DIS3L2: variants seen among roughly 807,000 people sequenced by gnomAD.
DIS3L2 encodes the protein DIS3 like 3'-5' exoribonuclease 2.
DIS3L2 carries 34 observed loss-of-function variants against 97.5 expected under a neutral mutation model. The ratio of observed to expected loss-of-function variants is 0.35; its 90% CI spans 0.27 to 0.46. The LOEUF is 0.46. Among genes scored for constraint, DIS3L2 ranks in the 20% least tolerant of loss-of-function variants. DIS3L2 has a pLI of 1.00. For synonymous variants in DIS3L2, 435 were observed against 445.2 expected, an observed-to-expected ratio of 0.98 and a Z score of 0.29; for missense variants, 1,038 against 1,146.0, an observed-to-expected ratio of 0.91 and a Z score of 1.36.
At chr2:232,317,126 A>G (rs1695297726) in intron 14 of DIS3L2, among the ~76,000 whole-genome samples, 1 of 152,210 alleles carries the variant, frequency 6.6e-6, no homozygotes, top group Non-Finnish European at 1.5e-5. Flanking sequence ...TGGAAGGGAA[A>G]CACATTTGTG....
At chr2:232,104,089 TTTC>T (rs1574878052) in intron 6 of DIS3L2, among the ~76,000 whole-genome samples, 1 of 152,286 alleles carries the variant, frequency 6.6e-6, no homozygotes, top group East Asian at 1.9e-4. Flanking sequence ...TTATAAATAA[TTTC>T]TACTGTTTTT....
chr2:232,029,456 CTGAG>C (rs543747613), intron 4 of DIS3L2, among the ~76,000 whole-genome samples: 1 of 151,884 alleles, frequency 6.6e-6, no homozygotes, highest in Non-Finnish European at 1.5e-5. Flanking sequence ...TGGGTTGTTT[CTGAG>C]TGAGTGAGTG....
rs942697072 is a variant in DIS3L2, at chr2:232,188,383, C to G, written c.1125-21943C>G. 2.0e-5 allele frequency among the ~76,000 whole-genome samples: 3 copies of G among 152,184 alleles called. No individual in the cohort carries two copies. In the East Asian group the frequency reaches 5.8e-4, roughly 29 times the overall value. The stretch of plus-strand genomic sequence containing the variant: ...ATGATAAATTTTATGTAACTTTTTT[C>G]TCAATAACAGAACAGAATAGAGAAT... On this transcript the variant is annotated intron_variant, in intron 9 of 20. Coordinates refer to ENST00000325385, the MANE Select transcript of DIS3L2 (RefSeq NM_152383.5).
intron 14 of DIS3L2, among the ~76,000 whole-genome samples, chr2:232,304,715 T>C (rs938387589): frequency 6.6e-6 from 1 of 152,240 alleles, no homozygotes; most frequent in African/African-American, 2.4e-5. Flanking sequence ...TGAGTGAGTG[T>C]GTGTGTCTTT....
At position 232,087,532 on chromosome 2, in the gene DIS3L2, G is replaced by A. The variant is rs1352781492; in HGVS notation, c.412G>A (p.Glu138Lys). Residue 138 changes from glutamate to lysine, a missense_variant, in exon 6 of 21, where the codon GAA (glutamate) becomes AAA (lysine). By Grantham distance (56) the Glu-to-Lys change is moderately conservative. Coordinates refer to ENST00000325385, the MANE Select transcript of DIS3L2 (RefSeq NM_152383.5). The stretch of plus-strand genomic sequence containing the variant: ...TGACAAAGAAACAGAAGCTGCGTAT[G>A]AATCAGATATCCCCGAGGAGCTCTG... ...SNDKETEAAY[E>K]SDIPEELCGH... 1.2e-6 allele frequency: 2 copies of A among 1,613,828 alleles called. No homozygotes were observed. The highest frequency in any genetic ancestry group is 2.2e-5 in the South Asian group (2 of 91,052).
intron 1 of DIS3L2, among the ~76,000 whole-genome samples, chr2:231,995,116 AT>A (rs989209385): frequency 6.6e-6 from 1 of 152,146 alleles, no homozygotes; most frequent in Non-Finnish European, 1.5e-5. Context: ...GTTTAAAAAT[AT>A]TCTGTAGTTG....
chr2:232,014,836 G>T lies in DIS3L2; in HGVS notation c.-92G>T. On this transcript the variant is annotated splice_region_variant and 5_prime_UTR_variant, in exon 2 of 21. Transcript: ENST00000325385. ...TTACCAATCTCTTCTTGGTTTCAGC[G>T]AATGACAACAGAGCTGCTCAAGGCG... 14 of 1,391,066 alleles carry T rather than the reference G, an allele frequency of 1.0e-5. No homozygotes were observed. The South Asian group carries it at 1.8e-4, about 18-fold the overall frequency. 86.2% of individuals were successfully genotyped at this position (1,391,066 alleles called of 1,614,324 possible).
intron 5 of DIS3L2, among the ~76,000 whole-genome samples, chr2:232,073,066 T>G (rs539488502): frequency 6.6e-6 from 1 of 152,306 alleles, no homozygotes; most frequent in South Asian, 2.1e-4. Flanking sequence ...GTGCCCATAG[T>G]TAAATTTTAT....
At chr2:232,343,168 T>G (rs1454255285) in intron 13 of DIS3L2, 1 of 647,230 alleles carries the variant, frequency 1.5e-6, no homozygotes, top group Non-Finnish European at 2.8e-6. Context: ...AGCAGACTGT[T>G]GACTAGCTGC....
chr2:232,265,498 G>A (rs1693831033), intron 13 of DIS3L2, among the ~76,000 whole-genome samples: 1 of 152,222 alleles, frequency 6.6e-6, no homozygotes, highest in Non-Finnish European at 1.5e-5. Context: ...TGATGCAGTA[G>A]GTGGCACCGG....
At chr2:232,184,256 CT>C (rs1421139482) in intron 9 of DIS3L2, among the ~76,000 whole-genome samples, 1 of 152,192 alleles carries the variant, frequency 6.6e-6, no homozygotes, top group Admixed American at 6.5e-5. Context: ...AGTCTTTTCA[CT>C]TTTATTGCTT....
chr2:232,003,229 G>T (rs140625281), intron 1 of DIS3L2, among the ~76,000 whole-genome samples: 4 of 152,210 alleles, frequency 2.6e-5, no homozygotes, highest in Non-Finnish European at 4.4e-5. Context: ...CTATCCTGGG[G>T]TCTCTTTTTT....
In DIS3L2 at chr2:232,264,049, G is replaced by A. The variant is rs144457933; in HGVS notation, c.1659+609G>A. 3.6e-3 allele frequency among the ~76,000 whole-genome samples: 547 copies of A among 152,274 alleles called. 4 individuals are homozygous for A. Among genetic ancestry groups the A allele is most frequent in the African/African-American group, 0.012 (508 of 41,530 alleles). ...AATTTTTCCACAGACCAGGGGTAGGGGATGGTTTCGGGATGAAACTTCCAC... is the reference window on the plus strand; with the variant it reads ...AATTTTTCCACAGACCAGGGGTAGGAGATGGTTTCGGGATGAAACTTCCAC... On this transcript the variant is annotated intron_variant, in intron 13 of 20. Coordinates refer to ENST00000325385, the MANE Select transcript of DIS3L2 (RefSeq NM_152383.5).
At chr2:232,218,226 G>A (rs556218890) in intron 10 of DIS3L2, among the ~76,000 whole-genome samples, 2 of 152,280 alleles carry the variant, frequency 1.3e-5, no homozygotes, top group South Asian at 2.1e-4. Context: ...AGTCATAAGC[G>A]AGGAACCGCG....
At chr2:232,127,953 A>G (rs1311934711) in intron 6 of DIS3L2, among the ~76,000 whole-genome samples, 1 of 151,572 alleles carries the variant, frequency 6.6e-6, no homozygotes. Flanking sequence ...CATTTATTAC[A>G]GTTTTTATTT....
intron 12 of DIS3L2, chr2:232,260,191 C>T (rs1048597185): frequency 1.3e-5 from 2 of 152,280 alleles, no homozygotes; most frequent in Non-Finnish European, 2.9e-5. Context: ...CTGTACAGCC[C>T]AATGTAGACG....
At chr2:232,019,115 T>G (rs990604399) in intron 3 of DIS3L2, among the ~76,000 whole-genome samples, 1 of 152,298 alleles carries the variant, frequency 6.6e-6, no homozygotes, top group Non-Finnish European at 1.5e-5. Flanking sequence ...AGGCTAAGCC[T>G]CCAGAGCTGT....
intron 13 of DIS3L2, among the ~76,000 whole-genome samples, chr2:232,266,785 C>T (rs956081512): frequency 2.0e-5 from 3 of 152,120 alleles, no homozygotes; most frequent in South Asian, 2.1e-4. Context: ...CCACTATGTC[C>T]GTGCTTTTGG....
intron 5 of DIS3L2, among the ~76,000 whole-genome samples, chr2:232,066,885 T>C (rs950783645): frequency 4.6e-5 from 7 of 152,048 alleles, no homozygotes; most frequent in Non-Finnish European, 8.8e-5. Context: ...AGGGGACTTA[T>C]TCATTTCATC....
Sources: gnomAD v4.1 joint callset for allele counts (sites outside exome capture counted in the v4.1 genomes callset) on GRCh38, gnomAD v4.1.1 for gene constraint, MANE v1.5 for transcripts, NCBI Gene and HGNC (gene_info 2026-07-23, HGNC 2026-07-21) for gene names.